Variants in SHISA9 observed in about 807,000 individuals in gnomAD.
The protein encoded by SHISA9 is protein shisa-9.
SHISA9 carries 13 observed loss-of-function variants against 38.0 expected under a neutral mutation model. The observed-to-expected ratio is 0.34, with a 90% CI of 0.22 to 0.54. The LOEUF (loss-of-function observed/expected upper bound fraction) is 0.54, where lower values mean the gene tolerates loss of function less well. Among genes scored for constraint, SHISA9 ranks in the 20% least tolerant of loss-of-function variants. SHISA9 has a pLI of 0.91. For synonymous variants in SHISA9, 275 were observed against 242.0 expected, an observed-to-expected ratio of 1.14 and a Z score of -1.27; for missense variants, 538 against 575.8, an observed-to-expected ratio of 0.93 and a Z score of 0.67.
intron 4 of SHISA9, among the ~76,000 whole-genome samples, chr16:13,226,978 A>C (rs2051285608): frequency 1.3e-5 from 2 of 152,252 alleles, no homozygotes; most frequent in South Asian, 4.1e-4. Flanking sequence ...AAGAGCTGCA[A>C]AGTATTTTGG....
chr16:13,214,486 A>G (rs972419904), intron 4 of SHISA9, among the ~76,000 whole-genome samples: 7 of 152,152 alleles, frequency 4.6e-5, no homozygotes, highest in African/African-American at 9.7e-5. Context: ...GATTACAAGC[A>G]TGAGCCACCA....
intron 2 of SHISA9, among the ~76,000 whole-genome samples, chr16:13,019,829 T>C (rs1208550824): frequency 7.1e-5 from 9 of 126,936 alleles, no homozygotes; most frequent in East Asian, 7.1e-4. Context: ...TCTTTCTTTC[T>C]TTCTTTTTCC....
At chr16:13,541,847 A>G in the SHISA9 span, among the ~76,000 whole-genome samples, 1 of 152,202 alleles carries the variant, frequency 6.6e-6, no homozygotes, top group Non-Finnish European at 1.5e-5. Context: ...AAAGGACAAG[A>G]GGATATTCGA....
At chr16:13,094,642 G>A (rs1453889052) in intron 2 of SHISA9, among the ~76,000 whole-genome samples, 2 of 152,026 alleles carry the variant, frequency 1.3e-5, no homozygotes, top group Admixed American at 6.6e-5. Context: ...TTATACTTTC[G>A]AAGTCAGGGA....
At chr16:13,383,964 C>T in the SHISA9 span, among the ~76,000 whole-genome samples, 1 of 152,096 alleles carries the variant, frequency 6.6e-6, no homozygotes, top group Non-Finnish European at 1.5e-5. Context: ...CAACACCAAC[C>T]TAATACTTTA....
chr16:13,516,459 T>G, the SHISA9 span, among the ~76,000 whole-genome samples: 2 of 152,214 alleles, frequency 1.3e-5, no homozygotes, highest in Non-Finnish European at 2.9e-5. Context: ...GAGAGTATTT[T>G]GGTCCAAGAT....
chr16:12,970,095 T>G (rs2141806458), intron 2 of SHISA9, among the ~76,000 whole-genome samples: 1 of 151,222 alleles, frequency 6.6e-6, no homozygotes, highest in East Asian at 1.9e-4. Context: ...ATGTTATCCT[T>G]TATTTCCCTT....
the SHISA9 span, among the ~76,000 whole-genome samples, chr16:13,386,660 ATTG>A: frequency 2.6e-5 from 4 of 152,160 alleles, no homozygotes; most frequent in Non-Finnish European, 4.4e-5. Context: ...TTTGATGTGG[ATTG>A]TTGTTTGTTT....
chr16:12,996,163 C>CT (rs1200949492), intron 2 of SHISA9, among the ~76,000 whole-genome samples: 1 of 152,038 alleles, frequency 6.6e-6, no homozygotes. Context: ...AATTGGTGGC[C>CT]TAGAAGGTGG....
chr16:13,252,308 G>A, the SHISA9 span, among the ~76,000 whole-genome samples: 1 of 152,140 alleles, frequency 6.6e-6, no homozygotes, highest in Non-Finnish European at 1.5e-5. Context: ...CCCTCCTCCA[G>A]GGGACATTTG....
At chr16:13,177,482 A>G (rs1414898138) in intron 2 of SHISA9, among the ~76,000 whole-genome samples, 1 of 152,170 alleles carries the variant, frequency 6.6e-6, no homozygotes, top group Admixed American at 6.5e-5. Flanking sequence ...TCTTCATAAT[A>G]TCCCACCTCA....
chr16:13,325,635 A>T, the SHISA9 span, among the ~76,000 whole-genome samples: 1 of 152,334 alleles, frequency 6.6e-6, no homozygotes, highest in Middle Eastern at 3.4e-3. Flanking sequence ...CCAGTGGTGT[A>T]GTTGCAGTCT....
intron 4 of SHISA9, among the ~76,000 whole-genome samples, chr16:13,215,222 G>A (rs1326383357): frequency 6.6e-6 from 1 of 152,124 alleles, no homozygotes; most frequent in African/African-American, 2.4e-5. Flanking sequence ...TCACTTGGAG[G>A]GTTGTTACAA....
intron 3 of SHISA9, among the ~76,000 whole-genome samples, chr16:13,209,308 G>T (rs2051096413): frequency 6.6e-6 from 1 of 152,100 alleles, no homozygotes; most frequent in African/African-American, 2.4e-5. Context: ...AGAAAGGGTT[G>T]GTTCCATATT....
intron 2 of SHISA9, among the ~76,000 whole-genome samples, chr16:13,060,384 A>G (rs2073360122): frequency 6.6e-6 from 1 of 152,142 alleles, no homozygotes; most frequent in South Asian, 2.1e-4. Flanking sequence ...CAACCAGAGG[A>G]CATGAGGCAG....
Position 13,017,773 on chromosome 16 carries a change from C to T in SHISA9, c.691+100958C>T. Among the ~76,000 whole-genome samples, 2 of 152,206 alleles carry T rather than the reference C, an allele frequency of 1.3e-5. 1 individual carries two copies. Among genetic ancestry groups the T allele is most frequent in the East Asian group, 3.9e-4 (2 of 5,190 alleles). On this transcript the variant is annotated intron_variant, in intron 2 of 4. Transcript: ENST00000558583. ...AAGCACTGGGGACAGAGCTCATATA[C>T]TTCATTGTGTGATACCAGTGCTGCA...
At chr16:13,326,886 G>A in the SHISA9 span, among the ~76,000 whole-genome samples, 1 of 138,184 alleles carries the variant, frequency 7.2e-6, no homozygotes, top group Non-Finnish European at 1.6e-5. Flanking sequence ...TTTATTTTTT[G>A]TTTCTCTCCT....
intron 2 of SHISA9, among the ~76,000 whole-genome samples, chr16:12,987,299 A>G (rs1202333292): frequency 6.6e-6 from 1 of 152,230 alleles, no homozygotes; most frequent in Non-Finnish European, 1.5e-5. Context: ...AGTAATTGCC[A>G]TTCTGACAGG....
chr16:13,250,796 A>G, the SHISA9 span, among the ~76,000 whole-genome samples: 1 of 152,186 alleles, frequency 6.6e-6, no homozygotes, highest in Non-Finnish European at 1.5e-5. Flanking sequence ...TTTACTGTGA[A>G]GTCCATGGCA....
Sources: gnomAD v4.1 joint callset for allele counts (sites outside exome capture counted in the v4.1 genomes callset) on GRCh38, gnomAD v4.1.1 for gene constraint, MANE v1.5 for transcripts, NCBI Gene and HGNC (gene_info 2026-07-23, HGNC 2026-07-21) for gene names.